NKAIN2: variants seen among roughly 807,000 people sequenced by gnomAD.
NKAIN2 encodes sodium/potassium transporting ATPase interacting 2.
In NKAIN2, 14 loss-of-function variants were observed where a neutral mutation model predicts 32.6. The observed-to-expected ratio is 0.43, with a 90% CI of 0.28 to 0.67. The LOEUF is 0.67. Among genes scored for constraint, NKAIN2 ranks in the 30% least tolerant of loss-of-function variants. The pLI is 0.17. For missense variants in NKAIN2, 198 were observed against 258.3 expected, an observed-to-expected ratio of 0.77 and a Z score of 1.60; for synonymous variants, 80 against 87.2, an observed-to-expected ratio of 0.92 and a Z score of 0.46.
At chr6:124,703,746 C>A (rs1217670439) in intron 4 of NKAIN2, among the ~76,000 whole-genome samples, 2 of 151,964 alleles carry the variant, frequency 1.3e-5, no homozygotes, top group Non-Finnish European at 2.9e-5. Flanking sequence ...AATAAACAAT[C>A]TTCTCAGAAT....
chr6:124,363,018 A>G (rs1799358299), intron 3 of NKAIN2, among the ~76,000 whole-genome samples: 1 of 151,916 alleles, frequency 6.6e-6, no homozygotes, highest in Admixed American at 6.6e-5. Flanking sequence ...TATTTTTAGT[A>G]GAGATGGGGT....
chr6:124,811,763 T>C lies in NKAIN2; in HGVS notation c.536-6624T>C, dbSNP rs140671766. 1.6e-4 allele frequency among the ~76,000 whole-genome samples: 25 copies of C among 152,288 alleles called. 1 individual carries two copies. The East Asian group carries it at 4.8e-3, about 29-fold the overall frequency. ...TCTTTTGGAGGTGATGGATATGTTA[T>C]TACCTTGATTGTGGTAAAGGTTTCA... On this transcript the variant is annotated intron_variant, in intron 5 of 6. Transcript: ENST00000368417.
chr6:123,885,053 G>T (rs1773648960), intron 1 of NKAIN2, among the ~76,000 whole-genome samples: 1 of 152,092 alleles, frequency 6.6e-6, no homozygotes, highest in Non-Finnish European at 1.5e-5. Context: ...GAGACAGAAA[G>T]AAGTAATAAT....
At chr6:124,815,225 C>CATATATATATATATATATGTATATATGT (rs56841213) in intron 5 of NKAIN2, among the ~76,000 whole-genome samples, 1 of 136,998 alleles carries the variant, frequency 7.3e-6, no homozygotes, top group African/African-American at 2.6e-5. Context: ...TATATATATA[C>CATATATATATATATATATGTATATATGT]ATATATATAT....
chr6:124,497,878 A>T (rs181197554), intron 3 of NKAIN2, among the ~76,000 whole-genome samples: 24 of 150,684 alleles, frequency 1.6e-4, no homozygotes, highest in African/African-American at 5.8e-4. Context: ...CAAAATCTCC[A>T]GAAAAAGATT....
chr6:124,644,746 G>C (rs1391876200), intron 3 of NKAIN2, among the ~76,000 whole-genome samples: 2 of 152,088 alleles, frequency 1.3e-5, no homozygotes, highest in South Asian at 2.1e-4. Context: ...ATTGAGACTT[G>C]TGGTTTGTGT....
intron 1 of NKAIN2, among the ~76,000 whole-genome samples, chr6:124,100,147 C>G (rs1415657218): frequency 3.3e-5 from 5 of 152,214 alleles, no homozygotes; most frequent in Admixed American, 3.3e-4. Flanking sequence ...CCTGACAAAG[C>G]CACTTATTGT....
At position 124,283,276 on chromosome 6, in the gene NKAIN2, TTTTCATAG is replaced by T. The variant is rs1314413599; in HGVS notation, c.192+140_192+147del. On this transcript the variant is annotated intron_variant, in intron 2 of 6. Coordinates refer to ENST00000368417, the MANE Select transcript of NKAIN2 (RefSeq NM_001040214.3). Reference sequence around the variant, plus strand: ...CTCTCTTTTAAGTACCATGTGTTTATTTTCATAGTTTCAGATTCCATCAACAGTAATTG... The same window carrying T: ...CTCTCTTTTAAGTACCATGTGTTTATTTTCAGATTCCATCAACAGTAATTG... 9.5e-5 allele frequency: 57 copies of T among 601,768 alleles called. No homozygotes were observed. In the Middle Eastern group the frequency reaches 1.4e-3, roughly 15 times the overall value. 37.3% of individuals were successfully genotyped at this position (601,768 alleles called of 1,614,324 possible).
At chr6:124,574,711 T>TA (rs1291116676) in intron 3 of NKAIN2, among the ~76,000 whole-genome samples, 1 of 152,228 alleles carries the variant, frequency 6.6e-6, no homozygotes, top group African/African-American at 2.4e-5. Context: ...AGACCTGGTT[T>TA]AATTCCAGGC....
chr6:124,152,537 A>G (rs1012026037), intron 1 of NKAIN2, among the ~76,000 whole-genome samples: 1 of 152,006 alleles, frequency 6.6e-6, no homozygotes, highest in African/African-American at 2.4e-5. Flanking sequence ...TACAAAATAA[A>G]GGGAAATACT....
chr6:124,386,900 C>T (rs1350290802), intron 3 of NKAIN2, among the ~76,000 whole-genome samples: 2 of 152,154 alleles, frequency 1.3e-5, no homozygotes, highest in East Asian at 3.9e-4. Context: ...TTTTACAATT[C>T]TTCTACCCAT....
rs35001895 is a variant in NKAIN2, at chr6:124,232,752, GAA to G, written c.55-50244_55-50243del. Among the ~76,000 whole-genome samples the G allele has an allele frequency of 4.6e-5, 7 of 150,958 alleles. No individual in the cohort carries two copies. The South Asian group carries it at 8.4e-4, about 18-fold the overall frequency. On this transcript the variant is annotated intron_variant, in intron 1 of 6. Coordinates refer to ENST00000368417, the MANE Select transcript of NKAIN2 (RefSeq NM_001040214.3). ...CTGGCAAAATGGCATTATTTTTGAG[GAA>G]AAAAAAAATGATCTTGGTTTGAGGG...
At chr6:124,255,424 G>A (rs1057386092) in intron 1 of NKAIN2, among the ~76,000 whole-genome samples, 5 of 152,174 alleles carry the variant, frequency 3.3e-5, no homozygotes, top group Non-Finnish European at 7.4e-5. Flanking sequence ...TGTGAGGGAA[G>A]CAAAGTAGTT....
chr6:124,568,040 G>T (rs905708958), intron 3 of NKAIN2, among the ~76,000 whole-genome samples: 1 of 152,148 alleles, frequency 6.6e-6, no homozygotes, highest in East Asian at 1.9e-4. Flanking sequence ...AATATAAAAA[G>T]CAGAAGAGAG....
intron 3 of NKAIN2, among the ~76,000 whole-genome samples, chr6:124,501,934 C>T (rs965722456): frequency 2.0e-5 from 3 of 151,832 alleles, no homozygotes; most frequent in African/African-American, 7.3e-5. Flanking sequence ...AACCCCATTT[C>T]CAATTAAAAC....
At chr6:124,397,103 C>A (rs1285783095) in intron 3 of NKAIN2, among the ~76,000 whole-genome samples, 1 of 151,856 alleles carries the variant, frequency 6.6e-6, no homozygotes, top group Non-Finnish European at 1.5e-5. Context: ...TTATTCATAT[C>A]TCTGATATAA....
intron 2 of NKAIN2, among the ~76,000 whole-genome samples, chr6:124,337,587 G>A (rs547493635): frequency 1.0e-3 from 156 of 152,210 alleles, no homozygotes; most frequent in Non-Finnish European, 2.0e-3. Context: ...AATGCAAACC[G>A]AGTGATCACT....
At chr6:124,756,934 T>C (rs144501243) in intron 4 of NKAIN2, among the ~76,000 whole-genome samples, 70 of 152,286 alleles carry the variant, frequency 4.6e-4, no homozygotes, top group African/African-American at 1.5e-3. Context: ...ATGGCTCTCA[T>C]GTAGTTTTCA....
At chr6:123,919,307 T>G (rs964359383) in intron 1 of NKAIN2, among the ~76,000 whole-genome samples, 1 of 152,056 alleles carries the variant, frequency 6.6e-6, no homozygotes, top group African/African-American at 2.4e-5. Flanking sequence ...TGAGAAAAGT[T>G]TAGAGCTGTT....
Sources: allele counts gnomAD v4.1 joint callset (sites outside exome capture counted in the v4.1 genomes callset), GRCh38; gene constraint gnomAD v4.1.1; transcripts MANE v1.5; gene names NCBI Gene and HGNC (gene_info 2026-07-23, HGNC 2026-07-21).